The following DTNB variants were observed in gnomAD, a reference collection of about 807,000 sequenced individuals.
DTNB encodes dystrobrevin beta.
Under a neutral mutation model 90.7 loss-of-function variants are expected in DTNB, and 63 were observed. That is an observed-to-expected ratio of 0.69 (90% CI 0.57 to 0.86). DTNB has a LOEUF of 0.86. DTNB is among the 40% of genes least tolerant of loss of function. The pLI is 0.00. For synonymous variants in DTNB, 277 were observed against 286.7 expected, an observed-to-expected ratio of 0.97 and a Z score of 0.34; for missense variants, 744 against 807.1, an observed-to-expected ratio of 0.92 and a Z score of 0.95.
chr2:25,611,262 G>A (rs1369025179), intron 4 of DTNB, among the ~76,000 whole-genome samples: 4 of 152,002 alleles, frequency 2.6e-5, no homozygotes, highest in Admixed American at 6.6e-5. Flanking sequence ...TAAACTATTC[G>A]ATGAGCAGGA....
At chr2:25,422,724 T>C (rs1193537335) in intron 15 of DTNB, among the ~76,000 whole-genome samples, 2 of 151,902 alleles carry the variant, frequency 1.3e-5, no homozygotes, top group East Asian at 3.9e-4. Context: ...AAAAGCAATA[T>C]CAGACAAATG....
chr2:25,540,944 C>CT (rs1331216862), intron 8 of DTNB, among the ~76,000 whole-genome samples: 2 of 151,628 alleles, frequency 1.3e-5, no homozygotes, highest in African/African-American at 4.9e-5. Context: ...AACCAGAGAC[C>CT]TTTGTTCACT....
intron 5 of DTNB, among the ~76,000 whole-genome samples, chr2:25,600,759 T>A (rs1165816702): frequency 6.6e-6 from 1 of 152,210 alleles, no homozygotes; most frequent in African/African-American, 2.4e-5. Context: ...AATCTATACC[T>A]AACTCATTCA....
intron 16 of DTNB, among the ~76,000 whole-genome samples, chr2:25,408,651 T>C (rs953067107): frequency 2.6e-5 from 4 of 151,948 alleles, no homozygotes; most frequent in African/African-American, 7.3e-5. Flanking sequence ...AGGGCATCTA[T>C]ATTGCAGCTC....
intron 9 of DTNB, among the ~76,000 whole-genome samples, chr2:25,530,309 C>T (rs150794751): frequency 3.9e-5 from 6 of 152,198 alleles, no homozygotes; most frequent in African/African-American, 1.4e-4. Flanking sequence ...TGGTGGCCTG[C>T]ACCTATAGTC....
At chr2:25,446,821 A>C (rs1189515474) in intron 12 of DTNB, among the ~76,000 whole-genome samples, 1 of 152,164 alleles carries the variant, frequency 6.6e-6, no homozygotes, top group Non-Finnish European at 1.5e-5. Context: ...TTCTTCAAAC[A>C]TTTTTTAACC....
chr2:25,437,265 C>CT (rs1420248680), intron 12 of DTNB, among the ~76,000 whole-genome samples: 190 of 144,146 alleles, frequency 1.3e-3, no homozygotes, highest in Middle Eastern at 3.6e-3. Context: ...TATCTATGTA[C>CT]TTTTTTTTTT....
rs557047178 is a variant in DTNB at position 25,404,161 on chromosome 2, G to A, written c.1575+15354C>T. ...GTTAGGGGTAGGGGGCTATGCAGCTGAGGCAATATCTCCACTCTCAGCAGG... is the reference window on the plus strand; with the variant it reads ...GTTAGGGGTAGGGGGCTATGCAGCTAAGGCAATATCTCCACTCTCAGCAGG... On this transcript the variant is annotated intron_variant, in intron 16 of 20. Transcript: ENST00000406818. 7.9e-5 allele frequency among the ~76,000 whole-genome samples: 12 copies of A among 152,300 alleles called. 1 individual carries two copies. The South Asian group carries it at 2.5e-3, about 32-fold the overall frequency.
In DTNB at chr2:25,561,783, T is replaced by C. The variant is rs557590932; in HGVS notation, c.876+15055A>G. The stretch of plus-strand genomic sequence containing the variant: ...TAAACTTCCTGAGGCCCTCACCAGA[T>C]GCTGAGCAGACATTGGTGCCATGCT... On this transcript the variant is annotated intron_variant, in intron 8 of 20. Transcript: ENST00000406818. 8.5e-5 allele frequency among the ~76,000 whole-genome samples: 13 copies of C among 152,332 alleles called. No individual in the cohort carries two copies. The East Asian group carries it at 2.5e-3, about 29-fold the overall frequency.
chr2:25,626,022 T>C (rs1272094621), intron 4 of DTNB, among the ~76,000 whole-genome samples: 1 of 152,200 alleles, frequency 6.6e-6, no homozygotes, highest in Non-Finnish European at 1.5e-5. Context: ...AGAATCTACC[T>C]TGATCTTGAA....
In DTNB at chr2:25,628,958, T is replaced by C. The variant is rs1221526539; in HGVS notation, c.149-574A>G. On this transcript the variant is annotated intron_variant, in intron 3 of 20. Coordinates refer to ENST00000406818, the MANE Select transcript of DTNB (RefSeq NM_021907.5). ...ATTATTTAAGAGGCTGACTTTCTTT[T>C]AAATTCCATTTCCAGTAATAAAGTA... Among the ~76,000 whole-genome samples, 6 of 152,252 alleles carry C rather than the reference T, an allele frequency of 3.9e-5. No individual in the cohort carries two copies. In the East Asian group the frequency reaches 1.2e-3, roughly 29 times the overall value.
intron 9 of DTNB, among the ~76,000 whole-genome samples, chr2:25,526,840 A>T (rs192053448): frequency 4.1e-4 from 62 of 152,346 alleles, no homozygotes; most frequent in Admixed American, 2.7e-3. Flanking sequence ...GGGGAATTTT[A>T]AAAAATATGA....
chr2:25,445,018 T>A (rs1009947178), intron 12 of DTNB, among the ~76,000 whole-genome samples: 18 of 152,178 alleles, frequency 1.2e-4, no homozygotes. Flanking sequence ...AATTAAAGAA[T>A]TGGCATCAGA....
chr2:25,520,681 C>T (rs894317701), intron 9 of DTNB, among the ~76,000 whole-genome samples: 3 of 152,098 alleles, frequency 2.0e-5, no homozygotes, highest in African/African-American at 7.2e-5. Context: ...ACTGATAGCA[C>T]CGATACTTAA....
chr2:25,601,687 T>C (rs962284701), intron 5 of DTNB, among the ~76,000 whole-genome samples: 8 of 152,198 alleles, frequency 5.3e-5, no homozygotes, highest in Non-Finnish European at 1.0e-4. Context: ...ATGTTTGCTT[T>C]CCCTGGCAAA....
At chr2:25,444,255 G>A (rs141758230) in intron 12 of DTNB, among the ~76,000 whole-genome samples, 1,957 of 152,144 alleles carry the variant, frequency 0.013, 43 homozygotes, top group African/African-American at 0.044. Flanking sequence ...AGGACCGGGC[G>A]CGGTGGCTCA....
intron 8 of DTNB, among the ~76,000 whole-genome samples, chr2:25,557,535 A>G (rs891324399): frequency 2.6e-5 from 4 of 152,190 alleles, no homozygotes; most frequent in African/African-American, 9.7e-5. Context: ...CACTGCTCTA[A>G]AACAGTGTTT....
chr2:25,651,929 C>G (rs370118500), intron 2 of DTNB, among the ~76,000 whole-genome samples: 2 of 152,076 alleles, frequency 1.3e-5, no homozygotes, highest in Admixed American at 1.3e-4. Context: ...TGGTCCAGAC[C>G]AATTACCCGT....
At chr2:25,518,547 T>C (rs1467299533) in intron 9 of DTNB, among the ~76,000 whole-genome samples, 1 of 151,766 alleles carries the variant, frequency 6.6e-6, no homozygotes, top group East Asian at 1.9e-4. Flanking sequence ...TGTGAGTTTG[T>C]GAGTGCAAGT....
Sources: gnomAD v4.1 joint callset for allele counts (sites outside exome capture counted in the v4.1 genomes callset) on GRCh38, gnomAD v4.1.1 for gene constraint, MANE v1.5 for transcripts, NCBI Gene and HGNC (gene_info 2026-07-23, HGNC 2026-07-21) for gene names.